The following LDLRAD3 variants were observed in gnomAD, a reference collection of about 807,000 sequenced individuals.
LDLRAD3 encodes low density lipoprotein receptor class A domain containing 3, also known as low-density lipoprotein receptor class A domain-containing protein 3.
LDLRAD3 carries 20 observed loss-of-function variants against 29.4 expected under a neutral mutation model. The observed-to-expected ratio is 0.68, with a 90% confidence interval of 0.48 to 0.99. The LOEUF (loss-of-function observed/expected upper bound fraction) is 0.99. LDLRAD3 is among the 50% of genes least tolerant of loss of function. LDLRAD3 has a pLI of 0.00. For synonymous variants in LDLRAD3, 157 were observed against 192.7 expected, an observed-to-expected ratio of 0.81 and a Z score of 1.53; for missense variants, 420 against 454.3, an observed-to-expected ratio of 0.92 and a Z score of 0.69.
intron 4 of LDLRAD3, among the ~76,000 whole-genome samples, chr11:36,145,378 AG>A (rs1400591545): frequency 8.4e-5 from 7 of 83,082 alleles, no homozygotes; most frequent in Non-Finnish European, 1.6e-4. Flanking sequence ...TCTGGGAGGG[AG>A]GTGGGGGGGT....
At chr11:36,085,430 G>T (rs1853180934) in intron 3 of LDLRAD3, among the ~76,000 whole-genome samples, 1 of 151,524 alleles carries the variant, frequency 6.6e-6, no homozygotes, top group Non-Finnish European at 1.5e-5. Context: ...TCCTGTTAGG[G>T]TTCTCTGAGC....
At chr11:36,092,632 T>A (rs1400631614) in intron 3 of LDLRAD3, among the ~76,000 whole-genome samples, 1 of 152,240 alleles carries the variant, frequency 6.6e-6, no homozygotes, top group Non-Finnish European at 1.5e-5. Flanking sequence ...AGAGCGTTTC[T>A]GTCCCCTTCT....
intron 1 of LDLRAD3, among the ~76,000 whole-genome samples, chr11:36,013,899 C>T (rs994393960): frequency 1.3e-5 from 2 of 152,074 alleles, no homozygotes; most frequent in Admixed American, 6.6e-5. Flanking sequence ...AAGTGTTGTC[C>T]GCTAGGATCA....
At chr11:36,118,559 C>A (rs1853707356) in intron 4 of LDLRAD3, among the ~76,000 whole-genome samples, 1 of 151,858 alleles carries the variant, frequency 6.6e-6, no homozygotes. Context: ...AAAAATACCT[C>A]ATTTTCTGCC....
In LDLRAD3 at chr11:36,230,912, C is replaced by A. The variant is rs145869506; in HGVS notation, c.*1515C>A. Reference sequence around the variant, plus strand: ...CTTGAAGGAAGCAGAAAGAGGGACTCCTCTCTCCCTCCGTGTATAGTCTCT... The same window carrying A: ...CTTGAAGGAAGCAGAAAGAGGGACTACTCTCTCCCTCCGTGTATAGTCTCT... On this transcript the variant is annotated 3_prime_UTR_variant, in exon 6 of 6. Coordinates refer to ENST00000315571, the MANE Select transcript of LDLRAD3 (RefSeq NM_174902.4). 6.6e-6 allele frequency: 1 copy of A among 152,360 alleles called. No homozygotes were observed. The highest frequency in any genetic ancestry group is 1.5e-5 in the Non-Finnish European group (1 of 68,024). The allele number at this position is 152,360 out of a possible 1,614,324, so 9.4% of individuals were successfully genotyped here.
intron 4 of LDLRAD3, among the ~76,000 whole-genome samples, chr11:36,207,476 C>G (rs1401962870): frequency 6.6e-6 from 1 of 151,914 alleles, no homozygotes; most frequent in African/African-American, 2.4e-5. Flanking sequence ...ATAAGGAGAC[C>G]CTGTCTCTAA....
intron 2 of LDLRAD3, among the ~76,000 whole-genome samples, chr11:36,062,430 G>A (rs148617194): frequency 1.8e-3 from 279 of 152,236 alleles, no homozygotes; most frequent in African/African-American, 6.2e-3. Flanking sequence ...CACACAGAAA[G>A]CCAATCACTG....
chr11:36,020,837 G>A (rs1274269467), intron 1 of LDLRAD3, among the ~76,000 whole-genome samples: 1 of 152,192 alleles, frequency 6.6e-6, no homozygotes, highest in Non-Finnish European at 1.5e-5. Flanking sequence ...ATGTGACGTG[G>A]TCAGATTTGT....
At chr11:36,081,403 C>T (rs911229110) in intron 2 of LDLRAD3, among the ~76,000 whole-genome samples, 3 of 152,184 alleles carry the variant, frequency 2.0e-5, no homozygotes, top group African/African-American at 7.2e-5. Flanking sequence ...TTTTGATTGG[C>T]ACCTGCTGTG....
intron 1 of LDLRAD3, among the ~76,000 whole-genome samples, chr11:36,001,761 G>GTA (rs1309878134): frequency 3.2e-5 from 1 of 31,064 alleles, no homozygotes; most frequent in Admixed American, 2.8e-4. Flanking sequence ...TTGTATACGT[G>GTA]TGTGTGTGTG....
intron 1 of LDLRAD3, among the ~76,000 whole-genome samples, chr11:36,015,883 C>G (rs576804701): frequency 6.6e-6 from 1 of 152,316 alleles, no homozygotes; most frequent in East Asian, 1.9e-4. Context: ...CTCCAGACTC[C>G]AGCACTCTTG....
intron 2 of LDLRAD3, among the ~76,000 whole-genome samples, chr11:36,049,989 G>A: frequency 6.6e-6 from 1 of 152,200 alleles, no homozygotes. Context: ...TCAGGATCTA[G>A]CAATAAAGCC....
chr11:35,949,580 G>C (rs1409720775), intron 1 of LDLRAD3, among the ~76,000 whole-genome samples: 1 of 152,190 alleles, frequency 6.6e-6, no homozygotes, highest in African/African-American at 2.4e-5. Context: ...CTAGCGGCAA[G>C]CTGTGTGTGT....
chr11:36,146,544 T>C (rs547455098), intron 4 of LDLRAD3, among the ~76,000 whole-genome samples: 2 of 152,290 alleles, frequency 1.3e-5, no homozygotes, highest in South Asian at 4.2e-4. Flanking sequence ...GTTATTCTCG[T>C]ACAGTTCAGA....
At chr11:35,946,983 TG>T in intron 1 of LDLRAD3, among the ~76,000 whole-genome samples, 1 of 152,206 alleles carries the variant, frequency 6.6e-6, no homozygotes, top group African/African-American at 2.4e-5. Context: ...GGGTGTGAGA[TG>T]TTTTTTCCTG....
intron 4 of LDLRAD3, among the ~76,000 whole-genome samples, chr11:36,152,834 G>C (rs1466484605): frequency 6.6e-6 from 1 of 152,140 alleles, no homozygotes; most frequent in Non-Finnish European, 1.5e-5. Context: ...AATACATTGT[G>C]CCTGTGAGTA....
At chr11:36,124,501 T>C (rs1013462102) in intron 4 of LDLRAD3, among the ~76,000 whole-genome samples, 1 of 152,030 alleles carries the variant, frequency 6.6e-6, no homozygotes, top group Non-Finnish European at 1.5e-5. Context: ...AGCCTGGTGA[T>C]TCCCTTAACC....
In LDLRAD3 at chr11:36,069,623, T is replaced by A. The variant is rs151002297; in HGVS notation, c.194-12030T>A. Among the ~76,000 whole-genome samples the A allele has an allele frequency of 1.1e-3, 165 of 150,848 alleles. 1 individual carries two copies. The highest frequency in any genetic ancestry group is 3.4e-3 in the Middle Eastern group (1 of 292). ...GTAACTGGTTCATAGCACATTTTTT[T>A]ATGAGAAATAGGGCTTTTTTTTTTT... On this transcript the variant is annotated intron_variant, in intron 2 of 5. Transcript: ENST00000315571.
In LDLRAD3 at chr11:36,060,930, G is replaced by C. The variant is rs147521014; in HGVS notation, c.194-20723G>C. Among the ~76,000 whole-genome samples, 427 of 152,182 alleles carry C rather than the reference G, an allele frequency of 2.8e-3. 1 individual carries two copies. Among genetic ancestry groups the C allele is most frequent in the African/African-American group, 1.0e-2 (414 of 41,526 alleles). ...TTTATGAAAATATGAATTTATAACA[G>C]ATAAATATGTATATAAAAGTGTGTC... is the stretch of plus-strand genomic sequence containing the variant. On this transcript the variant is annotated intron_variant, in intron 2 of 5. Coordinates refer to ENST00000315571, the MANE Select transcript of LDLRAD3 (RefSeq NM_174902.4).
Sources: allele counts gnomAD v4.1 joint callset (sites outside exome capture counted in the v4.1 genomes callset), GRCh38; gene constraint gnomAD v4.1.1; transcripts MANE v1.5; gene names NCBI Gene and HGNC (gene_info 2026-07-23, HGNC 2026-07-21).